CARD14: variants seen among roughly 807,000 people sequenced by gnomAD.
The protein encoded by CARD14 is caspase recruitment domain family member 14.
A neutral mutation model predicts 111.5 loss-of-function variants in CARD14; 107 were observed. The ratio of observed to expected loss-of-function variants is 0.96; its 90% CI spans 0.82 to 1.13. The LOEUF (loss-of-function observed/expected upper bound fraction) is 1.13, where lower values mean the gene tolerates loss of function less well. Among genes scored for constraint, CARD14 ranks in the 50% most tolerant of loss-of-function variants. The probability of loss-of-function intolerance (pLI) is 0.00; values close to 1 mark genes in which losing one functional copy is unlikely to be tolerated. For missense variants in CARD14, 1,322 were observed against 1,362.3 expected, an observed-to-expected ratio of 0.97 and a Z score of 0.47; for synonymous variants, 617 against 579.6, an observed-to-expected ratio of 1.06 and a Z score of -0.93.
intron 19 of CARD14, 94 bp from the exon 20 acceptor site, chr17:80,204,133 C>A: frequency 1.6e-6 from 2 of 1,240,300 alleles, no homozygotes; most frequent in Non-Finnish European, 1.1e-6. Context: ...GCATCACTCC[C>A]AGGTCGCCCT....
In CARD14 at chr17:80,195,198, T is replaced by A; in HGVS notation, c.1364T>A (p.Leu455His). 6.2e-7 allele frequency: 1 copy of A among 1,605,754 alleles called. No homozygotes were observed. The highest frequency in any genetic ancestry group is 1.3e-5 in the African/African-American group (1 of 74,898). ...CSLVSSTESQ[L>H]LSDLSATSSR... ...CTGCCCTCCCTCCTCCAGTCTCAGC[T>A]CTTGTCGGACCTGAGTGCCACGTCC... Residue 455 changes from leucine (L) to histidine (H), a missense_variant, in exon 13 of 24, where the codon CTC becomes CAC. Transcript: ENST00000648509. This position sits in a 1 kb window ranked among gnomAD's most constrained non-coding sequence, Gnocchi z 4.7.
Position 80,187,669 on chromosome 17 carries a change from G to A in CARD14, c.676-708G>A, listed in dbSNP as rs865844507. On this transcript the variant is annotated intron_variant, in intron 7 of 23. Coordinates refer to ENST00000648509, the MANE Select transcript of CARD14 (RefSeq NM_001366385.1). ...TGGCCACAGCCCAGGGGTGAGCACC[G>A]GCACCCACCCCGACGTGCAGACTTC... 23 of 789,910 alleles carry A rather than the reference G, an allele frequency of 2.9e-5. No homozygotes were observed. In the South Asian group the frequency reaches 6.9e-4, roughly 24 times the overall value. The allele number at this position is 789,910 out of a possible 1,614,324, so 48.9% of individuals were successfully genotyped here.
chr17:80,184,062 G>A lies in CARD14; in HGVS notation c.499G>A (p.Ala167Thr). ...GCACCTGGGCCTGGCCGAGACCCGT[G>A]CCGAGGGCCTGCACCAGCTGGAGGC... ...QEHLGLAETR[A>T]EGLHQLEADH... The change falls in exon 7 of 24, where the codon GCC (alanine) becomes ACC (threonine). Residue 167 changes from alanine to threonine, a missense_variant. Transcript: ENST00000648509. The A allele has an allele frequency of 6.3e-7, 1 of 1,586,548 alleles. No homozygotes were observed. The highest frequency in any genetic ancestry group is 8.6e-7 in the Non-Finnish European group (1 of 1,167,046).
In CARD14 at chr17:80,182,855, A is replaced by G; in HGVS notation, c.349+65A>G. ...GGAACCTCAGGCTCCTGGTAACCCC[A>G]GGTGCCCCGCTTACTTGCCGATTTG... On this transcript the variant is annotated intron_variant, in intron 6 of 23. Coordinates refer to ENST00000648509, the MANE Select transcript of CARD14 (RefSeq NM_001366385.1). The surrounding 1 kb of genome is among the most constrained non-coding windows in gnomAD (Gnocchi z 4.7). 1 of 1,595,060 alleles carries G rather than the reference A, an allele frequency of 6.3e-7. No homozygotes were observed. Among genetic ancestry groups the G allele is most frequent in the South Asian group, 1.1e-5 (1 of 89,982 alleles).
intron 14 of CARD14, chr17:80,196,031 C>T (rs773427913): frequency 3.2e-5 from 6 of 185,874 alleles, no homozygotes; most frequent in Admixed American, 5.9e-5. Context: ...CGAGGCACAG[C>T]GTGACATCTA....
Position 80,181,634 on chromosome 17 carries a change from A to G in CARD14, c.196A>G (p.Ser66Gly), listed in dbSNP as rs748158215. The G allele has an allele frequency of 4.9e-5, 76 of 1,549,766 alleles. No individual in the cohort carries two copies. Among genetic ancestry groups the G allele is most frequent in the Non-Finnish European group, 1.7e-6 (2 of 1,147,308 alleles). The stretch of plus-strand genomic sequence containing the variant: ...GCTGCACAGCCCCCGGCTCACCAAC[A>G]GCGCCATGCGGGCCGGTGAGCGCAG... The part of the protein sequence containing the change: ...EVLHSPRLTN[S>G]AMRAGHLLDL... Residue 66 changes from serine to glycine, a missense_variant, in exon 5 of 24, where the codon AGC (serine) becomes GGC (glycine). By Grantham distance (56) the Ser-to-Gly change is moderately conservative. Transcript: ENST00000648509.
chr17:80,183,704 C>A (rs1326648424), intron 6 of CARD14, among the ~76,000 whole-genome samples: 1 of 152,126 alleles, frequency 6.6e-6, no homozygotes, highest in Non-Finnish European at 1.5e-5. Flanking sequence ...CTCGGCCCAC[C>A]GGCCCATCTG....
Position 80,188,496 on chromosome 17 carries a change from C to G in CARD14, c.795C>G (p.Asn265Lys). 6.3e-7 allele frequency: 1 copy of G among 1,577,960 alleles called. No homozygotes were observed. Among genetic ancestry groups the G allele is most frequent in the Non-Finnish European group, 8.6e-7 (1 of 1,162,700 alleles). ...AGGAGTCCGGGGATGAGGAGCTGAA[C>G]CGCCTGAAGGAGGAGAATGAGAAAC... ...SDQESGDEEL[N>K]RLKEENEKLR... is the part of the protein sequence containing the mutation. The change falls in exon 8 of 24, where the codon AAC (asparagine) becomes AAG (lysine). Residue 265 changes from asparagine (N) to lysine (K), a missense_variant. By Grantham distance (94) the Asn-to-Lys change is moderately conservative. Transcript: ENST00000648509. This position sits in a 1 kb window ranked among gnomAD's most constrained non-coding sequence, Gnocchi z 4.5.
Position 80,188,102 on chromosome 17 carries a change from C to T in CARD14, c.676-275C>T. On this transcript the variant is annotated intron_variant, in intron 7 of 23. Transcript: ENST00000648509. This position sits in a 1 kb window ranked among gnomAD's most constrained non-coding sequence, Gnocchi z 4.5. ...AGATCCAGGAGTTGGTTATCAAGGC[C>T]TCTTGGTCTATTCCTGGGACCCTAA... is the stretch of plus-strand genomic sequence containing the variant. 1.9e-6 allele frequency: 1 copy of T among 521,092 alleles called. No individual in the cohort carries two copies. Among genetic ancestry groups the T allele is most frequent in the Non-Finnish European group, 2.6e-6 (1 of 378,814 alleles). The allele number at this position is 521,092 out of a possible 1,614,324, so 32.3% of individuals were successfully genotyped here.
intron 2 of CARD14, among the ~76,000 whole-genome samples, chr17:80,173,769 T>C (rs534261132): frequency 6.0e-4 from 91 of 152,242 alleles, no homozygotes; most frequent in African/African-American, 2.2e-3. Context: ...TGCCTAATTT[T>C]TTGTATTTTA....
intron 7 of CARD14, among the ~76,000 whole-genome samples, chr17:80,186,073 T>C (rs1311617132): frequency 6.6e-6 from 1 of 152,266 alleles, no homozygotes; most frequent in African/African-American, 2.4e-5. Context: ...GCAAGCACCC[T>C]GCTCCTGGTG....
intron 2 of CARD14, among the ~76,000 whole-genome samples, chr17:80,177,032 G>A (rs781008640): frequency 2.6e-5 from 4 of 152,170 alleles, no homozygotes; most frequent in Non-Finnish European, 5.9e-5. Context: ...CATGGTTCTG[G>A]AGGCCAGAAG....
chr17:80,202,068 A>T, intron 17 of CARD14, 112 bp from the exon 18 acceptor site: 1 of 1,223,694 alleles, frequency 8.2e-7, no homozygotes, highest in South Asian at 1.4e-5. Flanking sequence ...GTGCCAGAGC[A>T]GCTTCTGAGA....
Position 80,191,390 on chromosome 17 carries a change from G to C in CARD14, c.1157G>C (p.Arg386Pro), listed in dbSNP as rs535721220. 1.2e-6 allele frequency: 2 copies of C among 1,613,912 alleles called. No homozygotes were observed. The highest frequency in any genetic ancestry group is 3.3e-5 in the Admixed American group (2 of 60,030). The change falls in exon 11 of 24, where the codon CGC (arginine) becomes CCC (proline). Residue 386 changes from arginine (R) to proline (P), a missense_variant. By Grantham distance (103) the Arg-to-Pro change is moderately radical. Transcript: ENST00000648509. ...SQSLVEKDSL[R>P]RQVFELTDQV... The stretch of plus-strand genomic sequence containing the variant: ...AGCCTGGTGGAGAAGGACTCCCTCC[G>C]CAGGCAGGTGTTCGAGCTGACGGAC...
rs776733187 is a variant in CARD14, at chr17:80,188,432, TG to T, written c.733del (p.Glu245AsnfsTer7). The T allele has an allele frequency of 6.2e-6, 10 of 1,610,304 alleles. No homozygotes were observed. The highest frequency in any genetic ancestry group is 8.5e-6 in the Non-Finnish European group (10 of 1,178,336). On this transcript the variant is annotated frameshift_variant, in exon 8 of 24. Coordinates refer to ENST00000648509, the MANE Select transcript of CARD14 (RefSeq NM_001366385.1). LOFTEE classifies it high-confidence loss of function. This position sits in a 1 kb window ranked among gnomAD's most constrained non-coding sequence, Gnocchi z 4.5. ...GCCAACATGGTTTCCTCCTGTGAGC[TG>T]GAATTGCAAGAGCAGTCCCTGAGGA... Reference protein sequence around the residue: ...QRANMVSSCELELQEQSLRTA... With the variant: ...QRANMVSSCEXELQEQSLRTA...
chr17:80,180,470 C>T (rs1291683672), intron 4 of CARD14, among the ~76,000 whole-genome samples: 1 of 152,230 alleles, frequency 6.6e-6, no homozygotes, highest in Non-Finnish European at 1.5e-5. Context: ...AGTGTCACTC[C>T]CCAGCACATT....
At chr17:80,192,455 G>A in intron 11 of CARD14, 48 bp from the exon 12 acceptor site, 1 of 1,493,932 alleles carries the variant, frequency 6.7e-7, no homozygotes, top group Non-Finnish European at 9.3e-7. Flanking sequence ...GGGCCTCAAA[G>A]CGGAACCTTT....
In CARD14 at chr17:80,189,844, C is replaced by A; in HGVS notation, c.935C>A (p.Ala312Asp). 6.3e-7 allele frequency: 1 copy of A among 1,591,974 alleles called. No individual in the cohort carries two copies. The highest frequency in any genetic ancestry group is 1.1e-5 in the South Asian group (1 of 88,650). Residue 312 changes from alanine (A) to aspartate (D), a missense_variant, in exon 9 of 24, where the codon GCC becomes GAC. Physicochemically the swap from Ala to Asp is moderately radical, Grantham distance 126. Transcript: ENST00000648509. This position sits in a 1 kb window ranked among gnomAD's most constrained non-coding sequence, Gnocchi z 4.7. ...VERIHSLRER[A>D]VAAERQREQY... Reference sequence around the variant, plus strand: ...CGCATCCACTCGCTGCGGGAGCGGGCCGTGGCTGCCGAGAGGCAGCGAGAG... The same window carrying A: ...CGCATCCACTCGCTGCGGGAGCGGGACGTGGCTGCCGAGAGGCAGCGAGAG...
intron 23 of CARD14, 32 bp from the exon 24 acceptor site, chr17:80,208,106 G>C (rs1001569174): frequency 1.4e-6 from 2 of 1,468,094 alleles, no homozygotes; most frequent in African/African-American, 2.8e-5. Context: ...GCTCTCCCCT[G>C]AGCCCGCCCC....
Sources: allele counts gnomAD v4.1 joint callset (sites outside exome capture counted in the v4.1 genomes callset), GRCh38; gene constraint gnomAD v4.1.1; non-coding constraint Gnocchi (gnomAD v3.1); transcripts MANE v1.5; gene names NCBI Gene and HGNC (gene_info 2026-07-23, HGNC 2026-07-21).